Variants in SH3GL2 observed in about 807,000 individuals in gnomAD.
The protein encoded by SH3GL2 is endophilin-A1.
A neutral mutation model predicts 46.0 loss-of-function variants in SH3GL2; 24 were observed. That is an observed-to-expected ratio of 0.52 (90% CI 0.38 to 0.73). The LOEUF is 0.73. Ranked by LOEUF, SH3GL2 falls within the 30% of genes least tolerant of loss-of-function variation. SH3GL2 has a pLI of 0.00. For missense variants in SH3GL2, 413 were observed against 424.2 expected (o/e 0.97, Z 0.23); for synonymous variants, 196 against 147.1 (o/e 1.33, Z -2.40).
At chr9:17,580,200 A>C (rs957018425) in intron 1 of SH3GL2, among the ~76,000 whole-genome samples, 5 of 152,176 alleles carry the variant, frequency 3.3e-5, no homozygotes, top group African/African-American at 7.2e-5. Flanking sequence ...TATCCTTCTG[A>C]AATAGGTTCA....
intron 1 of SH3GL2, among the ~76,000 whole-genome samples, chr9:17,650,765 A>G (rs753014754): frequency 6.6e-6 from 1 of 152,214 alleles, no homozygotes; most frequent in African/African-American, 2.4e-5. Flanking sequence ...TATTGTGAAC[A>G]TATTAATTAA....
chr9:17,740,337 CCTGT>C (rs796072024), intron 1 of SH3GL2, among the ~76,000 whole-genome samples: 7 of 152,084 alleles, frequency 4.6e-5, no homozygotes, highest in African/African-American at 1.2e-4. Flanking sequence ...GTGAATCCAC[CCTGT>C]CTATTATACA....
At chr9:17,754,821 T>C (rs550432855) in intron 2 of SH3GL2, among the ~76,000 whole-genome samples, 1 of 152,346 alleles carries the variant, frequency 6.6e-6, no homozygotes, top group South Asian at 2.1e-4. Context: ...CTAGTGATTT[T>C]TGAACATTGA....
At chr9:17,662,245 C>T (rs1820237509) in intron 1 of SH3GL2, among the ~76,000 whole-genome samples, 1 of 152,024 alleles carries the variant, frequency 6.6e-6, no homozygotes, top group Non-Finnish European at 1.5e-5. Context: ...ATGTTTGGTC[C>T]CCATGATGAG....
At chr9:17,697,968 C>A (rs1217176440) in intron 1 of SH3GL2, among the ~76,000 whole-genome samples, 1 of 152,214 alleles carries the variant, frequency 6.6e-6, no homozygotes, top group Non-Finnish European at 1.5e-5. Flanking sequence ...ATGGCATATT[C>A]ACTTTCTGCG....
chr9:17,655,710 G>C (rs1820057820), intron 1 of SH3GL2, among the ~76,000 whole-genome samples: 1 of 152,114 alleles, frequency 6.6e-6, no homozygotes, highest in South Asian at 2.1e-4. Context: ...CTCATCTTCT[G>C]ATTTCATGCC....
chr9:17,686,630 T>C (rs1820917946), intron 1 of SH3GL2, among the ~76,000 whole-genome samples: 2 of 118,604 alleles, frequency 1.7e-5, no homozygotes, highest in Non-Finnish European at 3.4e-5. Flanking sequence ...TGAGTTCATG[T>C]CCTTTGTAGG....
Position 17,786,361 on chromosome 9 carries a change from TG to T in SH3GL2, c.188-19del. On this transcript the variant is annotated intron_variant, in intron 3 of 8. Transcript: ENST00000380607. ...TGTCACATTGCCTACTCTGAAAGCT[TG>T]TTCTCTCTTCACCTTCAGCTTCCAG... 2.5e-6 allele frequency: 4 copies of T among 1,597,524 alleles called. No homozygotes were observed. The highest frequency in any genetic ancestry group is 3.4e-6 in the Non-Finnish European group (4 of 1,173,624).
intron 1 of SH3GL2, among the ~76,000 whole-genome samples, chr9:17,690,404 T>A (rs1002321664): frequency 2.0e-5 from 3 of 152,156 alleles, no homozygotes; most frequent in African/African-American, 7.2e-5. Flanking sequence ...GCAGCTCCCT[T>A]GATTTTGACC....
At chr9:17,661,348 G>A (rs753310288) in intron 1 of SH3GL2, among the ~76,000 whole-genome samples, 2 of 152,098 alleles carry the variant, frequency 1.3e-5, no homozygotes, top group Non-Finnish European at 2.9e-5. Context: ...TGGATGACAG[G>A]CCCAGGATGG....
At chr9:17,752,208 T>C (rs1822866812) in intron 2 of SH3GL2, among the ~76,000 whole-genome samples, 1 of 152,170 alleles carries the variant, frequency 6.6e-6, no homozygotes, top group Non-Finnish European at 1.5e-5. Context: ...AACATCACTC[T>C]TGGACCTGCC....
intron 2 of SH3GL2, among the ~76,000 whole-genome samples, chr9:17,760,938 TAGCATTAACC>T (rs1823152095): frequency 6.6e-6 from 1 of 152,324 alleles, no homozygotes; most frequent in African/African-American, 2.4e-5. Context: ...GATTTTTGTT[TAGCATTAACC>T]AAAAGTTCAA....
chr9:17,786,114 GAT>G (rs1259145535), intron 3 of SH3GL2, among the ~76,000 whole-genome samples: 1 of 152,168 alleles, frequency 6.6e-6, no homozygotes, highest in Admixed American at 6.5e-5. Context: ...GGCACACAGT[GAT>G]AGAATTTGAG....
intron 2 of SH3GL2, among the ~76,000 whole-genome samples, chr9:17,755,522 G>T (rs1822963725): frequency 6.6e-6 from 1 of 152,108 alleles, no homozygotes; most frequent in African/African-American, 2.4e-5. Flanking sequence ...GGCTAGTCTT[G>T]AACTCCTGGC....
intron 1 of SH3GL2, among the ~76,000 whole-genome samples, chr9:17,736,848 T>G (rs1173319984): frequency 6.6e-6 from 1 of 152,092 alleles, no homozygotes; most frequent in Non-Finnish European, 1.5e-5. Flanking sequence ...AAATGATATT[T>G]CTATAGGCAG....
At chr9:17,599,913 C>T (rs888754387) in intron 1 of SH3GL2, among the ~76,000 whole-genome samples, 6 of 150,284 alleles carry the variant, frequency 4.0e-5, no homozygotes, top group East Asian at 1.9e-4. Context: ...ATCCAGGAAA[C>T]GGGAATAAAT....
At chr9:17,598,715 G>A (rs923719395) in intron 1 of SH3GL2, among the ~76,000 whole-genome samples, 5 of 152,114 alleles carry the variant, frequency 3.3e-5, no homozygotes, top group Admixed American at 6.6e-5. Context: ...TAATTTTATG[G>A]CCATTCGATT....
In SH3GL2 at chr9:17,791,257, A is replaced by G; in HGVS notation, c.651A>G (p.Ala217=). The G allele has an allele frequency of 1.2e-6, 2 of 1,613,660 alleles. No homozygotes were observed. Among genetic ancestry groups the G allele is most frequent in the South Asian group, 1.1e-5 (1 of 91,070 alleles). The change falls in exon 7 of 9, where the codon GCA becomes GCG. Residue 217 remains alanine, a synonymous_variant. Coordinates refer to ENST00000380607, the MANE Select transcript of SH3GL2 (RefSeq NM_003026.5). ...TTGAACAAGTGAGCCAGCTCTCTGCACTTGTGCAAGCTCAGCTGGAGTACC... is the reference window on the plus strand; with the variant it reads ...TTGAACAAGTGAGCCAGCTCTCTGCGCTTGTGCAAGCTCAGCTGGAGTACC... ...MDIEQVSQLS[A]LVQAQLEYHK...
At chr9:17,632,967 C>T (rs941949571) in intron 1 of SH3GL2, among the ~76,000 whole-genome samples, 2 of 152,152 alleles carry the variant, frequency 1.3e-5, no homozygotes, top group African/African-American at 4.8e-5. Context: ...AGCCTGAGGA[C>T]AAAAGTAGTT....
Sources: allele counts gnomAD v4.1 joint callset (sites outside exome capture counted in the v4.1 genomes callset), GRCh38; gene constraint gnomAD v4.1.1; transcripts MANE v1.5; gene names NCBI Gene and HGNC (gene_info 2026-07-23, HGNC 2026-07-21).